Variants in GXYLT2 observed in about 807,000 individuals in gnomAD.
GXYLT2 encodes the protein glycosyltransferase 8 domain containing 4.
GXYLT2 carries 53 observed loss-of-function variants against 45.8 expected under a neutral mutation model. The observed-to-expected ratio is 1.16, with a 90% CI of 0.93 to 1.46. GXYLT2 has a LOEUF of 1.46. Among genes scored for constraint, GXYLT2 ranks in the 40% most tolerant of loss-of-function variants. The probability of loss-of-function intolerance (pLI) is 0.00; values close to 1 mark genes in which losing one functional copy is unlikely to be tolerated. For missense variants in GXYLT2, 551 were observed against 544.4 expected (o/e 1.01, Z -0.12); for synonymous variants, 219 against 214.2 (o/e 1.02, Z -0.19).
At chr3:72,932,273 G>T (rs1175503828) in intron 3 of GXYLT2, among the ~76,000 whole-genome samples, 1 of 152,076 alleles carries the variant, frequency 6.6e-6, no homozygotes, top group East Asian at 1.9e-4. Context: ...GGCCAGGCTG[G>T]TCTCAAACTC....
chr3:72,953,920 C>T (rs1258305075), intron 3 of GXYLT2, among the ~76,000 whole-genome samples: 2 of 151,972 alleles, frequency 1.3e-5, no homozygotes, highest in Non-Finnish European at 2.9e-5. Flanking sequence ...ATAACAACAC[C>T]TCGTCTCCAC....
chr3:72,944,920 A>G (rs1359059241), intron 3 of GXYLT2, among the ~76,000 whole-genome samples: 1 of 152,104 alleles, frequency 6.6e-6, no homozygotes, highest in Non-Finnish European at 1.5e-5. Flanking sequence ...CAGACATGCA[A>G]GCAAAAGCAG....
chr3:72,899,360 C>T (rs551884430), intron 1 of GXYLT2, among the ~76,000 whole-genome samples: 1 of 152,214 alleles, frequency 6.6e-6, no homozygotes, highest in Non-Finnish European at 1.5e-5. Flanking sequence ...GTCATGAAGC[C>T]CCCTTCATGG....
chr3:72,913,263 C>T (rs1294200913), intron 2 of GXYLT2, among the ~76,000 whole-genome samples: 1 of 151,100 alleles, frequency 6.6e-6, no homozygotes, highest in Non-Finnish European at 1.5e-5. Context: ...TGGTCTCGAT[C>T]TCCTGACCTC....
chr3:72,975,462 G>T lies in GXYLT2; in HGVS notation c.*303G>T, dbSNP rs975936977. On this transcript the variant is annotated 3_prime_UTR_variant, in exon 7 of 7. Coordinates refer to ENST00000389617, the MANE Select transcript of GXYLT2 (RefSeq NM_001080393.2). ...TTTGTGAGCCTTCTAATTCCTAAAC[G>T]TCTGAGACCATTTCAGTGGCACCTG... is the stretch of plus-strand genomic sequence containing the variant. The T allele has an allele frequency of 4.8e-4, 110 of 230,124 alleles. No homozygotes were observed. Among genetic ancestry groups the T allele is most frequent in the Non-Finnish European group, 8.3e-5 (10 of 119,876 alleles). 14.3% of individuals were successfully genotyped at this position (230,124 alleles called of 1,614,324 possible). A position where few individuals can be genotyped will look rare whatever the true frequency, so the allele number is the denominator to read the frequency against.
At chr3:72,938,991 C>A (rs1343681977) in intron 3 of GXYLT2, among the ~76,000 whole-genome samples, 1 of 152,068 alleles carries the variant, frequency 6.6e-6, no homozygotes, top group Non-Finnish European at 1.5e-5. Context: ...ATTGGTACAC[C>A]CTGCTCTTTG....
chr3:72,903,001 G>C (rs1709436723), intron 1 of GXYLT2, among the ~76,000 whole-genome samples: 1 of 152,168 alleles, frequency 6.6e-6, no homozygotes, highest in Non-Finnish European at 1.5e-5. Context: ...CACAGGGTGA[G>C]ACTCCGTCTC....
At chr3:72,970,720 G>A (rs1307391663) in intron 6 of GXYLT2, among the ~76,000 whole-genome samples, 1 of 151,984 alleles carries the variant, frequency 6.6e-6, no homozygotes, top group African/African-American at 2.4e-5. Context: ...AAATTAGCTG[G>A]GCGTTGTGGC....
At chr3:72,907,001 T>C (rs1356174083) in intron 1 of GXYLT2, among the ~76,000 whole-genome samples, 1 of 152,056 alleles carries the variant, frequency 6.6e-6, no homozygotes, top group African/African-American at 2.4e-5. Context: ...GGAGAAAGCA[T>C]AGGCTGGGGG....
intron 1 of GXYLT2, among the ~76,000 whole-genome samples, chr3:72,904,256 C>T (rs772946837): frequency 6.6e-6 from 1 of 152,260 alleles, no homozygotes; most frequent in Non-Finnish European, 1.5e-5. Flanking sequence ...CTGCACTCCT[C>T]CCCTGGATCC....
chr3:72,961,123 G>A (rs1710760325), intron 5 of GXYLT2, among the ~76,000 whole-genome samples: 1 of 152,166 alleles, frequency 6.6e-6, no homozygotes, highest in African/African-American at 2.4e-5. Context: ...TGAAACGCGT[G>A]GGGGCTTTCA....
intron 6 of GXYLT2, among the ~76,000 whole-genome samples, chr3:72,968,085 T>C (rs186846287): frequency 6.2e-4 from 95 of 152,312 alleles, no homozygotes; most frequent in African/African-American, 2.1e-3. Flanking sequence ...GTGATTTTCC[T>C]GCCTCAGCCT....
Position 72,888,350 on chromosome 3 carries a change from C to G in GXYLT2, c.117C>G (p.Pro39=). ...RAEPPALPAR[P]ASAPQRHPAP... is the part of the protein sequence containing the mutation. ...AGCCCCCAGCGCTGCCCGCGCGCCC[C>G]GCGTCCGCCCCGCAGCGCCACCCCG... The change falls in exon 1 of 7, where the codon CCC becomes CCG. Residue 39 remains proline, a synonymous_variant. Transcript: ENST00000389617. 1.0e-6 allele frequency: 1 copy of G among 982,856 alleles called. No individual in the cohort carries two copies. Among genetic ancestry groups the G allele is most frequent in the Non-Finnish European group, 1.2e-6 (1 of 829,930 alleles). The allele number at this position is 982,856 out of a possible 1,614,324, so 60.9% of individuals were successfully genotyped here. A position where few individuals can be genotyped will look rare whatever the true frequency, so the allele number is the denominator to read the frequency against.
intron 2 of GXYLT2, among the ~76,000 whole-genome samples, chr3:72,921,652 C>T (rs1709834952): frequency 6.6e-6 from 1 of 152,054 alleles, no homozygotes; most frequent in African/African-American, 2.4e-5. Context: ...TGGTCTCAAA[C>T]TTCTGGCCTG....
At chr3:72,944,205 A>T (rs1004542041) in intron 3 of GXYLT2, among the ~76,000 whole-genome samples, 7 of 151,100 alleles carry the variant, frequency 4.6e-5, no homozygotes, top group Non-Finnish European at 1.0e-4. Flanking sequence ...CTCCTGCCTC[A>T]GCCTCCCAAG....
chr3:72,966,666 G>T (rs531376921), intron 5 of GXYLT2, among the ~76,000 whole-genome samples: 4 of 147,594 alleles, frequency 2.7e-5, no homozygotes, highest in African/African-American at 9.9e-5. Context: ...GTCTTATTTT[G>T]TTGCTCAGGG....
intron 2 of GXYLT2, among the ~76,000 whole-genome samples, chr3:72,917,168 C>T (rs1376740868): frequency 2.0e-5 from 3 of 152,012 alleles, no homozygotes; most frequent in African/African-American, 7.3e-5. Flanking sequence ...TGCAGTGGTG[C>T]CATCACAGCT....
intron 3 of GXYLT2, among the ~76,000 whole-genome samples, chr3:72,926,348 C>G (rs1709918102): frequency 6.6e-6 from 1 of 152,192 alleles, no homozygotes; most frequent in Non-Finnish European, 1.5e-5. Flanking sequence ...GACATTTACT[C>G]CTCTACTTCT....
chr3:72,888,472 G>C lies in GXYLT2; in HGVS notation c.239G>C (p.Gly80Ala), dbSNP rs2107049598. ...CCCCCGCGTCCGCGCCCCCGAGCGG[G>C]CCGCCGGGGCGCTGCGAGACTGGAG... ...RRPPRPRPRAGRRGAARLEKL... is the reference protein window; with the variant it reads ...RRPPRPRPRAARRGAARLEKL... The change falls in exon 1 of 7, where the codon GGC becomes GCC. Residue 80 changes from glycine (G) to alanine (A), a missense_variant. By Grantham distance (60) the Gly-to-Ala change is moderately conservative. Transcript: ENST00000389617. 8.0e-7 allele frequency: 1 copy of C among 1,249,152 alleles called. No homozygotes were observed. 77.4% of individuals were successfully genotyped at this position (1,249,152 alleles called of 1,614,324 possible).
Sources: allele counts gnomAD v4.1 joint callset (sites outside exome capture counted in the v4.1 genomes callset), GRCh38; gene constraint gnomAD v4.1.1; transcripts MANE v1.5; gene names NCBI Gene and HGNC (gene_info 2026-07-23, HGNC 2026-07-21).